The following CDH4 variants were observed in gnomAD, a reference collection of about 807,000 sequenced individuals.
The protein encoded by CDH4 is cadherin-4.
CDH4 carries 33 observed loss-of-function variants against 86.0 expected under a neutral mutation model. The ratio of observed to expected loss-of-function variants is 0.38; its 90% CI spans 0.29 to 0.51. The LOEUF (loss-of-function observed/expected upper bound fraction) is 0.51. CDH4 is among the 20% of genes least tolerant of loss of function. The pLI is 0.86. For missense variants in CDH4, 1,114 were observed against 1,307.4 expected (o/e 0.85, Z 2.28); for synonymous variants, 555 against 549.4 (o/e 1.01, Z -0.14).
rs909314290 is a variant in CDH4, at chr20:61,544,279, G to A, written c.170-199284G>A. Among the ~76,000 whole-genome samples the A allele has an allele frequency of 6.6e-6, 1 of 152,098 alleles. No homozygotes were observed. The highest frequency in any genetic ancestry group is 2.4e-5 in the African/African-American group (1 of 41,416). On this transcript the variant is annotated intron_variant, in intron 2 of 15. Coordinates refer to ENST00000614565, the MANE Select transcript of CDH4 (RefSeq NM_001794.5). This position sits in a 1 kb window ranked among gnomAD's most constrained non-coding sequence, Gnocchi z 6.5. ...GGGGTACGGCTGACATCGAGCGGGT[G>A]GAGGCTGGGTACGGCTAAACACCCC... is the stretch of plus-strand genomic sequence containing the variant.
At chr20:61,291,092 C>G (rs967776481) in intron 2 of CDH4, among the ~76,000 whole-genome samples, 5 of 152,126 alleles carry the variant, frequency 3.3e-5, no homozygotes, top group Admixed American at 3.3e-4. Context: ...TTTTGGCTTT[C>G]CTGCCTGCAC....
intron 8 of CDH4, among the ~76,000 whole-genome samples, chr20:61,895,839 G>A (rs986794133): frequency 1.2e-4 from 18 of 152,330 alleles, no homozygotes; most frequent in East Asian, 3.9e-4. Context: ...GGTGTGACAC[G>A]GTGTCCCCAG....
At chr20:61,874,019 A>G in intron 7 of CDH4, 119 bp downstream of exon 7, 1 of 1,045,350 alleles carries the variant, frequency 9.6e-7, no homozygotes, top group Non-Finnish European at 1.4e-6. Flanking sequence ...CAGTCTCCCC[A>G]GTGGCACTCT....
intron 2 of CDH4, among the ~76,000 whole-genome samples, chr20:61,316,032 G>A (rs2084474619): frequency 6.6e-6 from 1 of 152,162 alleles, no homozygotes; most frequent in African/African-American, 2.4e-5. Context: ...TGCAGGCACT[G>A]AGGGGCTCTC....
At position 61,747,065 on chromosome 20, in the gene CDH4, C is replaced by T. The variant is rs144542153; in HGVS notation, c.396+3276C>T. On this transcript the variant is annotated intron_variant, in intron 3 of 15. Transcript: ENST00000614565. ...TGTGCCCATCTCCTTTCATATTCAA[C>T]GTCCAGCACTCGGCCTCATGACTGG... Among the ~76,000 whole-genome samples the T allele has an allele frequency of 6.7e-3, 1,025 of 152,326 alleles. 10 individuals are homozygous for T. The highest frequency in any genetic ancestry group is 0.023 in the African/African-American group (970 of 41,572).
intron 7 of CDH4, among the ~76,000 whole-genome samples, chr20:61,886,648 C>T (rs533603385): frequency 9.2e-5 from 14 of 152,306 alleles, no homozygotes; most frequent in African/African-American, 2.9e-4. Context: ...GACGCTGGGA[C>T]GCTGGTCCAG....
At chr20:61,577,403 G>C (rs2145714309) in intron 2 of CDH4, among the ~76,000 whole-genome samples, 1 of 152,310 alleles carries the variant, frequency 6.6e-6, no homozygotes, top group Non-Finnish European at 1.5e-5. Context: ...TGAAGGATGA[G>C]TGGATATTTT....
rs1015458972 is a variant in CDH4, at chr20:61,501,957, C to T, written c.170-241606C>T. Among the ~76,000 whole-genome samples the T allele has an allele frequency of 2.6e-5, 4 of 152,076 alleles. No homozygotes were observed. The highest frequency in any genetic ancestry group is 7.2e-5 in the African/African-American group (3 of 41,404). ...GGACCCCGTGTAAAGTAAGATGAAC[C>T]GAGTGGGCACGTTAGCCCAGGCCGT... On this transcript the variant is annotated intron_variant, in intron 2 of 15. Coordinates refer to ENST00000614565, the MANE Select transcript of CDH4 (RefSeq NM_001794.5). This position sits in a 1 kb window ranked among gnomAD's most constrained non-coding sequence, Gnocchi z 4.2.
At chr20:61,680,303 C>A (rs2087497249) in intron 2 of CDH4, among the ~76,000 whole-genome samples, 1 of 152,214 alleles carries the variant, frequency 6.6e-6, no homozygotes, top group Admixed American at 6.5e-5. Flanking sequence ...GGGGAAGAAG[C>A]TGCTGTGGGA....
intron 2 of CDH4, among the ~76,000 whole-genome samples, chr20:61,545,464 G>T (rs1401122910): frequency 6.6e-6 from 1 of 152,248 alleles, no homozygotes; most frequent in Non-Finnish European, 1.5e-5. Context: ...TCCCCAGGCT[G>T]CACGGTGTCC....
chr20:61,534,310 A>G (rs1167291030), intron 2 of CDH4, among the ~76,000 whole-genome samples: 2 of 151,948 alleles, frequency 1.3e-5, no homozygotes, highest in Non-Finnish European at 2.9e-5. Flanking sequence ...TGCATTGGGG[A>G]GGGTATCGGG....
At chr20:61,523,052 AG>A (rs2085884344) in intron 2 of CDH4, among the ~76,000 whole-genome samples, 1 of 152,210 alleles carries the variant, frequency 6.6e-6, no homozygotes, top group South Asian at 2.1e-4. Context: ...GGAGGGTGCC[AG>A]GGAAGGCAAC....
At chr20:61,380,772 G>C (rs1325007003) in intron 2 of CDH4, among the ~76,000 whole-genome samples, 1 of 152,206 alleles carries the variant, frequency 6.6e-6, no homozygotes, top group Non-Finnish European at 1.5e-5. Flanking sequence ...TGCTGAAAGA[G>C]GGTGTGGGAC....
At chr20:61,559,639 C>T (rs2086202171) in intron 2 of CDH4, among the ~76,000 whole-genome samples, 1 of 150,032 alleles carries the variant, frequency 6.7e-6, no homozygotes, top group Admixed American at 6.7e-5. Context: ...CTGCCTCAGC[C>T]TCCCGAGTAG....
intron 2 of CDH4, among the ~76,000 whole-genome samples, chr20:61,530,464 T>C (rs2085943544): frequency 6.6e-6 from 1 of 152,064 alleles, no homozygotes; most frequent in Non-Finnish European, 1.5e-5. Context: ...GCTGAGTGAC[T>C]CTGCCATCAC....
chr20:61,534,661 C>CTTTTTTTTTTTTTTTTTT lies in CDH4; in HGVS notation c.170-208899_170-208898insTTTTTTTTTTTTTTTTTT, dbSNP rs2085981647. Among the ~76,000 whole-genome samples, 2 of 89,302 alleles carry CTTTTTTTTTTTTTTTTTT rather than the reference C, an allele frequency of 2.2e-5. 1 individual carries two copies. The highest frequency in any genetic ancestry group is 1.5e-4 in the African/African-American group (2 of 13,178). The allele number at this position is 89,302 out of a possible 152,430, so 58.6% of individuals were successfully genotyped here. On this transcript the variant is annotated intron_variant, in intron 2 of 15. Transcript: ENST00000614565. ...TTTTCTTTCTTTCTTTTCTTTCTTTCTTTCTTTTTTTTTTTTTTTTTTTTT... is the reference window on the plus strand; with the variant it reads ...TTTTCTTTCTTTCTTTTCTTTCTTTCTTTTTTTTTTTTTTTTTTTTTCTTTTTTTTTTTTTTTTTTTTT...
At chr20:61,609,696 C>CG (rs1317210864) in intron 2 of CDH4, among the ~76,000 whole-genome samples, 4 of 152,230 alleles carry the variant, frequency 2.6e-5, no homozygotes, top group African/African-American at 9.6e-5. Context: ...CTCGTGTCTT[C>CG]CCTAATCCAG....
chr20:61,656,461 G>A (rs1174651198), intron 2 of CDH4, among the ~76,000 whole-genome samples: 1 of 152,122 alleles, frequency 6.6e-6, no homozygotes, highest in Admixed American at 6.5e-5. Context: ...TGATTGGGTG[G>A]ACAGGTGCGT....
At chr20:61,766,922 C>T (rs1189320414) in intron 3 of CDH4, among the ~76,000 whole-genome samples, 2 of 152,244 alleles carry the variant, frequency 1.3e-5, no homozygotes, top group African/African-American at 4.8e-5. Context: ...GAACCTCCTG[C>T]CTGATTCTGA....
Sources: allele counts gnomAD v4.1 joint callset (sites outside exome capture counted in the v4.1 genomes callset), GRCh38; gene constraint gnomAD v4.1.1; non-coding constraint Gnocchi (gnomAD v3.1); transcripts MANE v1.5; gene names NCBI Gene and HGNC (gene_info 2026-07-23, HGNC 2026-07-21).